Variants in MON2 observed in about 807,000 individuals in gnomAD.
MON2 encodes the protein protein MON2 homolog.
Under a neutral mutation model 208.6 loss-of-function variants are expected in MON2, and 84 were observed. The ratio of observed to expected loss-of-function variants is 0.40; its 90% CI spans 0.34 to 0.48. The LOEUF (loss-of-function observed/expected upper bound fraction) is 0.48, where lower values mean the gene tolerates loss of function less well. MON2 is among the 20% of genes least tolerant of loss of function. The probability of loss-of-function intolerance (pLI) is 0.59; values close to 1 mark genes in which losing one functional copy is unlikely to be tolerated. For missense variants in MON2, 1,611 were observed against 2,015.4 expected (o/e 0.80, Z 3.84); for synonymous variants, 660 against 694.0 (o/e 0.95, Z 0.77).
intron 12 of MON2, among the ~76,000 whole-genome samples, chr12:62,534,003 T>A (rs181969650): frequency 6.6e-6 from 1 of 152,336 alleles, no homozygotes; most frequent in East Asian, 1.9e-4. Context: ...GTAATCAGTC[T>A]CCTGGCTGAG....
rs1460200137 is a variant in MON2 at position 62,597,860 on chromosome 12, C to CTA, written c.*5112_*5113dup. 7 of 151,768 alleles carry CTA rather than the reference C, an allele frequency of 4.6e-5. No homozygotes were observed. The highest frequency in any genetic ancestry group is 4.6e-4 in the Admixed American group (7 of 15,232). 9.4% of individuals were successfully genotyped at this position (151,768 alleles called of 1,614,324 possible). On this transcript the variant is annotated 3_prime_UTR_variant, in exon 35 of 35. Transcript: ENST00000393630. ...TTGAGGCCAGGAGTTTGAGACTAGCCTAGACAACATAGCAAGATCCTATCT... is the reference window on the plus strand; with the variant it reads ...TTGAGGCCAGGAGTTTGAGACTAGCCTATAGACAACATAGCAAGATCCTATCT...
intron 14 of MON2, among the ~76,000 whole-genome samples, 166 bp downstream of exon 14, chr12:62,535,875 G>T (rs973771636): frequency 4.1e-5 from 4 of 97,164 alleles, no homozygotes; most frequent in Non-Finnish European, 5.6e-5. Context: ...GGTGGGGGGT[G>T]GGGGGTGGGC....
chr12:62,545,111 T>TAAAATAGAA, intron 21 of MON2, 103 bp downstream of exon 21: 1 of 656,020 alleles, frequency 1.5e-6, no homozygotes. Flanking sequence ...AAGAGTAGGG[T>TAAAATAGAA]TTTTAACTTA....
chr12:62,557,964 T>TATATATATA (rs1565683667), intron 25 of MON2, among the ~76,000 whole-genome samples: 2 of 47,264 alleles, frequency 4.2e-5, no homozygotes, highest in African/African-American at 9.3e-5. Flanking sequence ...ATATATATAT[T>TATATATATA]TTTTTTTTTT....
chr12:62,540,077 T>C (rs1339206994), intron 19 of MON2, among the ~76,000 whole-genome samples: 1 of 152,216 alleles, frequency 6.6e-6, no homozygotes, highest in African/African-American at 2.4e-5. Context: ...ATATTTGAGA[T>C]TCTTAACACA....
At chr12:62,472,660 A>C (rs1447519725) in intron 1 of MON2, among the ~76,000 whole-genome samples, 1 of 152,216 alleles carries the variant, frequency 6.6e-6, no homozygotes, top group Non-Finnish European at 1.5e-5. Flanking sequence ...AGGATTTGCC[A>C]TTTAATCAGA....
At chr12:62,529,917 T>G (rs1018397284) in intron 11 of MON2, among the ~76,000 whole-genome samples, 3 of 152,194 alleles carry the variant, frequency 2.0e-5, no homozygotes, top group Admixed American at 6.5e-5. Context: ...TTGATACATT[T>G]ATATAATGTG....
At chr12:62,535,025 T>C in intron 13 of MON2, 99 bp downstream of exon 13, 2 of 887,866 alleles carry the variant, frequency 2.3e-6, no homozygotes, top group Non-Finnish European at 3.6e-6. Flanking sequence ...TTTTCTAATA[T>C]TAGTTTTTTA....
At chr12:62,488,373 G>C (rs768080931) in intron 2 of MON2, among the ~76,000 whole-genome samples, 8 of 152,110 alleles carry the variant, frequency 5.3e-5, no homozygotes, top group Non-Finnish European at 1.2e-4. Context: ...TCAAGTAAAG[G>C]GGACTTCTTA....
chr12:62,542,087 A>G (rs193240431), intron 19 of MON2, among the ~76,000 whole-genome samples: 29 of 152,280 alleles, frequency 1.9e-4, no homozygotes, highest in African/African-American at 5.5e-4. Context: ...ACATCATCTT[A>G]ACTACTATAC....
At chr12:62,549,340 C>G (rs1369674254) in intron 22 of MON2, among the ~76,000 whole-genome samples, 2 of 151,378 alleles carry the variant, frequency 1.3e-5, no homozygotes, top group African/African-American at 4.9e-5. Flanking sequence ...ATAAGTAAGG[C>G]TGGGTGTGGT....
intron 4 of MON2, among the ~76,000 whole-genome samples, chr12:62,497,519 A>G (rs1013429525): frequency 6.6e-6 from 1 of 152,210 alleles, no homozygotes; most frequent in African/African-American, 2.4e-5. Context: ...GACCGTACCA[A>G]GTGTTATGGA....
rs1049795496 is a variant in MON2, at chr12:62,597,082, G to GA, written c.*4339dup. ...TCAATGAGTTACTAATTCTTTAGAGGAAAAAATGCATAATTTGAGTGTGGA... is the reference window on the plus strand; with the variant it reads ...TCAATGAGTTACTAATTCTTTAGAGGAAAAAAATGCATAATTTGAGTGTGGA... On this transcript the variant is annotated 3_prime_UTR_variant, in exon 35 of 35. Transcript: ENST00000393630. 1.3e-5 allele frequency: 2 copies of GA among 152,112 alleles called. No individual in the cohort carries two copies. The highest frequency in any genetic ancestry group is 2.9e-5 in the Non-Finnish European group (2 of 68,008). 9.4% of individuals were successfully genotyped at this position (152,112 alleles called of 1,614,324 possible). A position where few individuals can be genotyped will look rare whatever the true frequency, so the allele number is the denominator to read the frequency against.
chr12:62,534,531 A>AT (rs1565655872), intron 12 of MON2, among the ~76,000 whole-genome samples: 6 of 39,382 alleles, frequency 1.5e-4, no homozygotes, highest in African/African-American at 9.5e-4. Flanking sequence ...AAAAAAAAAA[A>AT]AAAAAAAAAA....
Position 62,553,163 on chromosome 12 carries a change from G to A in MON2, c.3199G>A (p.Val1067Ile). Residue 1067 changes from valine to isoleucine, a missense_variant, in exon 24 of 35, where the codon GTT becomes ATT. Physicochemically the swap from Val to Ile is conservative, Grantham distance 29. Transcript: ENST00000393630. The stretch of plus-strand genomic sequence containing the variant: ...ATTACAGCATTCAACCTGGCACACT[G>A]TTATCTGGAAGGTATTGTAAAATAG... ...TLLQHSTWHT[V>I]IWKVLFHLLD... is the part of the protein sequence containing the mutation. The A allele has an allele frequency of 6.2e-7, 1 of 1,613,572 alleles. No homozygotes were observed. The highest frequency in any genetic ancestry group is 8.5e-7 in the Non-Finnish European group (1 of 1,179,538).
intron 27 of MON2, among the ~76,000 whole-genome samples, chr12:62,565,779 C>T (rs2074359242): frequency 6.6e-6 from 1 of 152,100 alleles, no homozygotes. Context: ...ACTGTTTGTA[C>T]TAAATAAGAA....
At chr12:62,499,702 G>A (rs564262629) in intron 5 of MON2, among the ~76,000 whole-genome samples, 3 of 151,886 alleles carry the variant, frequency 2.0e-5, no homozygotes, top group Non-Finnish European at 4.4e-5. Context: ...GTGAAACCCC[G>A]TCTCTACTAA....
At position 62,588,819 on chromosome 12, in the gene MON2, C is replaced by G. The variant is rs752690789; in HGVS notation, c.4990+663C>G. ...ACTAAACTAAAATTCTCAATCTTCCCAAATTTTTTCAACCTTTTGTTTATT... is the reference window on the plus strand; with the variant it reads ...ACTAAACTAAAATTCTCAATCTTCCGAAATTTTTTCAACCTTTTGTTTATT... On this transcript the variant is annotated intron_variant, in intron 34 of 34. Coordinates refer to ENST00000393630, the MANE Select transcript of MON2 (RefSeq NM_015026.3). 5.3e-5 allele frequency: 69 copies of G among 1,299,168 alleles called. No individual in the cohort carries two copies. In the African/African-American group the frequency reaches 9.8e-4, roughly 18 times the overall value. The allele number at this position is 1,299,168 out of a possible 1,614,324, so 80.5% of individuals were successfully genotyped here.
chr12:62,493,972 A>G lies in MON2; in HGVS notation c.233A>G (p.Lys78Arg). 4 of 1,613,154 alleles carry G rather than the reference A, an allele frequency of 2.5e-6. No individual in the cohort carries two copies. The highest frequency in any genetic ancestry group is 3.4e-6 in the Non-Finnish European group (4 of 1,179,324). Residue 78 changes from lysine to arginine, a missense_variant, in exon 3 of 35, where the codon AAG (lysine) becomes AGG (arginine). Transcript: ENST00000393630. ...VQPFLMGCGT[K>R]EPKITQLCLA... ...CCTTTTTTAATGGGTTGTGGAACCAAGGAACCGAAGATCACTCAGCTATGT... is the reference window on the plus strand; with the variant it reads ...CCTTTTTTAATGGGTTGTGGAACCAGGGAACCGAAGATCACTCAGCTATGT...
Sources: gnomAD v4.1 joint callset for allele counts (sites outside exome capture counted in the v4.1 genomes callset) on GRCh38, gnomAD v4.1.1 for gene constraint, MANE v1.5 for transcripts, NCBI Gene and HGNC (gene_info 2026-07-23, HGNC 2026-07-21) for gene names.